The following ALOX15 variants were observed in gnomAD, a reference collection of about 807,000 sequenced individuals.
ALOX15 encodes the protein polyunsaturated fatty acid lipoxygenase ALOX15.
ALOX15 carries 68 observed loss-of-function variants against 71.7 expected under a neutral mutation model. The observed-to-expected ratio is 0.95, with a 90% CI of 0.78 to 1.16. The LOEUF is 1.16. ALOX15 is among the 50% of genes most tolerant of loss of function. The probability of loss-of-function intolerance (pLI) is 0.00; values close to 1 mark genes in which losing one functional copy is unlikely to be tolerated. For missense variants in ALOX15, 798 were observed against 818.8 expected, an observed-to-expected ratio of 0.97 and a Z score of 0.31; for synonymous variants, 346 against 333.3, an observed-to-expected ratio of 1.04 and a Z score of -0.42.
At position 4,631,971 on chromosome 17, in the gene ALOX15, A is replaced by T; in HGVS notation, c.1727T>A (p.Val576Glu). 2 of 1,614,126 alleles carry T rather than the reference A, an allele frequency of 1.2e-6. No homozygotes were observed. Among genetic ancestry groups the T allele is most frequent in the Non-Finnish European group, 1.7e-6 (2 of 1,180,040 alleles). The change falls in exon 13 of 14, where the codon GTG becomes GAG. Residue 576 changes from valine to glutamate, a missense_variant. Transcript: ENST00000293761. ...PTTKDATLET[V>E]MATLPNFHQA... ...GTGGAAGTTGGGCAGTGTCGCCATCACTGTCTCCAGCGTTGCATCCTTGGT... is the reference window on the plus strand; with the variant it reads ...GTGGAAGTTGGGCAGTGTCGCCATCTCTGTCTCCAGCGTTGCATCCTTGGT...
chr17:4,632,452 C>T (rs1008442023), intron 11 of ALOX15, among the ~76,000 whole-genome samples, 171 bp from the exon 12 acceptor site: 7 of 152,084 alleles, frequency 4.6e-5, no homozygotes, highest in African/African-American at 1.2e-4. Flanking sequence ...GGAGCTCTGC[C>T]GGGAGGGTCC....
chr17:4,632,356 G>A, intron 11 of ALOX15, 75 bp from the exon 12 acceptor site: 1 of 1,213,048 alleles, frequency 8.2e-7, no homozygotes, highest in Non-Finnish European at 1.2e-6. Context: ...GCCAAGAGAG[G>A]AGAACAAGGG....
In ALOX15 at chr17:4,631,455, G is replaced by T; in HGVS notation, c.*145C>A. On this transcript the variant is annotated 3_prime_UTR_variant, in exon 14 of 14. Transcript: ENST00000293761. ...CCTCTAGAGTAAAATGTGTTCACTG[G>T]GTGCAGAGACCATGAAAAGGTGCCC... 1 of 927,162 alleles carries T rather than the reference G, an allele frequency of 1.1e-6. No homozygotes were observed. 57.4% of individuals were successfully genotyped at this position (927,162 alleles called of 1,614,324 possible).
rs748669056 is a variant in ALOX15 at position 4,635,781 on chromosome 17, G to A, written c.1139C>T (p.Pro380Leu). ...VIVVATMRCL[P>L]SIHPIFKLII... ...TACCTTGAAGATAGGATGTATCGAC[G>A]GCAGGCACCTCATGGTGGCCACAAC... The change falls in exon 8 of 14, where the codon CCG (proline) becomes CTG (leucine). Residue 380 changes from proline to leucine, a missense_variant. Around this residue, in one of 3 missense-constraint regions of ALOX15, gnomAD observed 490 missense variants for 509.4 expected, o/e 0.96. Transcript: ENST00000293761. The A allele has an allele frequency of 4.3e-6, 7 of 1,614,086 alleles. No homozygotes were observed. The highest frequency in any genetic ancestry group is 2.2e-5 in the South Asian group (2 of 91,070).
chr17:4,634,158 C>A, intron 8 of ALOX15, among the ~76,000 whole-genome samples: 1 of 152,136 alleles, frequency 6.6e-6, no homozygotes, highest in East Asian at 1.9e-4. Context: ...AACAAACCTG[C>A]CCATGTATCC....
Position 4,633,652 on chromosome 17 carries a change from A to G in ALOX15, c.1162-152T>C, listed in dbSNP as rs1910993797. 3 of 635,796 alleles carry G rather than the reference A, an allele frequency of 4.7e-6. No individual in the cohort carries two copies. In the South Asian group the frequency reaches 5.8e-5, roughly 12 times the overall value. 39.4% of individuals were successfully genotyped at this position (635,796 alleles called of 1,614,324 possible). ...CTCTCAACAGTGAGTTTTCAGAAGT[A>G]CCATTCAACCCAGCAATCCCATTAC... On this transcript the variant is annotated intron_variant, in intron 8 of 13. Coordinates refer to ENST00000293761, the MANE Select transcript of ALOX15 (RefSeq NM_001140.5).
chr17:4,637,330 G>C (rs962932175), intron 6 of ALOX15, 72 bp from the exon 7 acceptor site: 12 of 1,512,750 alleles, frequency 7.9e-6, no homozygotes, highest in African/African-American at 4.1e-5. Flanking sequence ...TCCTCCAAGG[G>C]GGAAGAGAGT....
chr17:4,637,081 A>G, intron 7 of ALOX15, 34 bp downstream of exon 7: 1 of 1,586,302 alleles, frequency 6.3e-7, no homozygotes, highest in Non-Finnish European at 8.6e-7. Context: ...CTCAAAAGCC[A>G]GAGACTGGGA....
rs1910898402 is a variant in ALOX15, at chr17:4,631,610, A to G, written c.1979T>C (p.Val660Ala). 6.2e-7 allele frequency: 1 copy of G among 1,613,064 alleles called. No homozygotes were observed. Among genetic ancestry groups the G allele is most frequent in the Admixed American group, 1.7e-5 (1 of 60,000 alleles). The change falls in exon 14 of 14, where the codon GTG becomes GCG. Residue 660 changes from valine to alanine, a missense_variant. Transcript: ENST00000293761. ...YLRPSVVENS[V>A]AI Reference sequence around the variant, plus strand: ...AAAGGGTGGCGACGCTTAGATGGCCACACTGTTTTCCACCACGCTGGGCCG... The same window carrying G: ...AAAGGGTGGCGACGCTTAGATGGCCGCACTGTTTTCCACCACGCTGGGCCG...
chr17:4,631,701 G>C lies in ALOX15; in HGVS notation c.1888C>G (p.Leu630Val), dbSNP rs1291170114. The C allele has an allele frequency of 1.2e-6, 2 of 1,614,070 alleles. No individual in the cohort carries two copies. Among genetic ancestry groups the C allele is most frequent in the Admixed American group, 1.7e-5 (1 of 60,004 alleles). Residue 630 changes from leucine to valine, a missense_variant, in exon 14 of 14, where the codon CTG (leucine) becomes GTG (valine). Transcript: ENST00000293761. Reference protein sequence around the residue: ...KAVLKKFREELAALDKEIEIR... With the variant: ...KAVLKKFREEVAALDKEIEIR... ...TCAATTTCCTTATCCAGGGCAGCCA[G>C]CTCCTCCCTGAACTTCTTCAGCACA...
rs151334007 is a variant in ALOX15 at position 4,639,626 on chromosome 17, T to C, written c.141A>G (p.Thr47=). The C allele has an allele frequency of 6.2e-7, 1 of 1,611,066 alleles. No homozygotes were observed. The highest frequency in any genetic ancestry group is 8.5e-7 in the Non-Finnish European group (1 of 1,178,648). Residue 47 remains threonine, a synonymous_variant, in exon 2 of 14, where the codon ACA becomes ACG. Coordinates refer to ENST00000293761, the MANE Select transcript of ALOX15 (RefSeq NM_001140.5). ...KRLWPARGKE[T]ELKVEVPEYL... The stretch of plus-strand genomic sequence containing the variant: ...ACTCCGGTACTTCCACCTTGAGTTC[T>C]GTCTCCTGCGGGCGACAGAAGAGGC...
Position 4,638,412 on chromosome 17 carries a change from C to G in ALOX15, c.647-35G>C, listed in dbSNP as rs1233073657. 9.9e-6 allele frequency: 8 copies of G among 808,018 alleles called. No homozygotes were observed. The South Asian group carries it at 1.3e-4, about 14-fold the overall frequency. 50.1% of individuals were successfully genotyped at this position (808,018 alleles called of 1,614,324 possible). Reference sequence around the variant, plus strand: ...GCAGTTGTTGAGCAAGTTGTGGGATCTGAGCTCTTGGTCCTTCCAACCCCA... The same window carrying G: ...GCAGTTGTTGAGCAAGTTGTGGGATGTGAGCTCTTGGTCCTTCCAACCCCA... On this transcript the variant is annotated intron_variant, in intron 5 of 13. Transcript: ENST00000293761.
At chr17:4,636,460 T>G (rs909509310) in intron 7 of ALOX15, among the ~76,000 whole-genome samples, 4 of 152,174 alleles carry the variant, frequency 2.6e-5, no homozygotes, top group Non-Finnish European at 5.9e-5. Context: ...GCAACTGGCC[T>G]GGCTCCCCTT....
At chr17:4,638,040 G>A (rs898333191) in intron 6 of ALOX15, among the ~76,000 whole-genome samples, 177 bp downstream of exon 6, 4 of 152,180 alleles carry the variant, frequency 2.6e-5, no homozygotes, top group Admixed American at 6.5e-5. Context: ...AGCTACTCTC[G>A]TGTAGGAAGG....
At chr17:4,636,024 T>G in intron 7 of ALOX15, 56 bp from the exon 8 acceptor site, 1 of 1,561,392 alleles carries the variant, frequency 6.4e-7, no homozygotes, top group Non-Finnish European at 8.8e-7. Context: ...ACTCAGCGAT[T>G]CCCGCCCCCC....
chr17:4,631,252 AT>A lies in ALOX15; in HGVS notation c.*347del. On this transcript the variant is annotated 3_prime_UTR_variant, in exon 14 of 14. Transcript: ENST00000293761. ...GTCTTAACAACAACAAAAAAATCAT[AT>A]TTGATTCATAAAAGGTGTGGAGTAA... is the stretch of plus-strand genomic sequence containing the variant. 4.7e-6 allele frequency: 1 copy of A among 214,198 alleles called. No individual in the cohort carries two copies. Among genetic ancestry groups the A allele is most frequent in the Non-Finnish European group, 9.3e-6 (1 of 107,204 alleles). 13.3% of individuals were successfully genotyped at this position (214,198 alleles called of 1,614,324 possible). A position where few individuals can be genotyped will look rare whatever the true frequency, so the allele number is the denominator to read the frequency against.
chr17:4,635,522 T>C (rs1911065928), intron 8 of ALOX15, among the ~76,000 whole-genome samples: 1 of 152,142 alleles, frequency 6.6e-6, no homozygotes, highest in South Asian at 2.1e-4. Flanking sequence ...GTCATTTGCA[T>C]GTACTGTGCT....
At chr17:4,639,029 G>A (rs778318606) in intron 3 of ALOX15, 22 bp downstream of exon 3, 25 of 1,614,062 alleles carry the variant, frequency 1.5e-5, no homozygotes, top group Admixed American at 1.0e-4. Flanking sequence ...AGCTCACGTG[G>A]GGTCAGGGGA....
At chr17:4,636,610 C>T (rs1331587187) in intron 7 of ALOX15, among the ~76,000 whole-genome samples, 1 of 152,134 alleles carries the variant, frequency 6.6e-6, no homozygotes, top group African/African-American at 2.4e-5. Flanking sequence ...AGCATCTCCC[C>T]TCTCCAACCC....
Sources: allele counts gnomAD v4.1 joint callset (sites outside exome capture counted in the v4.1 genomes callset), GRCh38; gene constraint gnomAD v4.1.1; regional missense constraint gnomAD v4.1.1; transcripts MANE v1.5; gene names NCBI Gene and HGNC (gene_info 2026-07-23, HGNC 2026-07-21).